KIAA1217: variants seen among roughly 807,000 people sequenced by gnomAD.
The protein encoded by KIAA1217 is sickle tail protein homolog.
In KIAA1217, 88 loss-of-function variants were observed where a neutral mutation model predicts 163.9. That is an observed-to-expected ratio of 0.54 (90% confidence interval 0.45 to 0.64). The LOEUF (loss-of-function observed/expected upper bound fraction) is 0.64, where lower values mean the gene tolerates loss of function less well. Ranked by LOEUF, KIAA1217 falls within the 30% of genes least tolerant of loss-of-function variation. The pLI is 0.00. For missense variants in KIAA1217, 2,372 were observed against 2,475.0 expected (o/e 0.96, Z 0.88); for synonymous variants, 903 against 923.1 (o/e 0.98, Z 0.39).
chr10:24,116,947 C>T (rs1589558611), intron 2 of KIAA1217, among the ~76,000 whole-genome samples: 1 of 151,916 alleles, frequency 6.6e-6, no homozygotes. Context: ...AATTAATACA[C>T]GGTTACTGCT....
intron 2 of KIAA1217, among the ~76,000 whole-genome samples, chr10:24,179,881 C>G (rs191619543): frequency 5.1e-4 from 78 of 152,228 alleles, no homozygotes; most frequent in African/African-American, 1.8e-3. Context: ...AGCCACCATG[C>G]CTGGTCTAGG....
chr10:23,766,752 C>A (rs1834547033), intron 1 of KIAA1217, among the ~76,000 whole-genome samples: 1 of 151,990 alleles, frequency 6.6e-6, no homozygotes, highest in Admixed American at 6.6e-5. Context: ...TCATACCCAG[C>A]TAATTTTTGT....
intron 1 of KIAA1217, among the ~76,000 whole-genome samples, chr10:23,994,072 T>C (rs1341389652): frequency 6.6e-6 from 1 of 152,122 alleles, no homozygotes; most frequent in African/African-American, 2.4e-5. Context: ...TGTGAGCAGA[T>C]CTGGGGATCC....
At chr10:24,350,183 G>A (rs974925618) in intron 2 of KIAA1217, among the ~76,000 whole-genome samples, 1 of 152,212 alleles carries the variant, frequency 6.6e-6, no homozygotes, top group Non-Finnish European at 1.5e-5. Flanking sequence ...AGAAGCCTCA[G>A]AAGCTGAAAG....
intron 2 of KIAA1217, among the ~76,000 whole-genome samples, chr10:24,049,346 T>G (rs1180212247): frequency 6.6e-6 from 1 of 152,196 alleles, no homozygotes; most frequent in African/African-American, 2.4e-5. Context: ...TCTCCGAGTT[T>G]TACAGTGGCA....
At chr10:24,289,343 A>G (rs758914523) in intron 2 of KIAA1217, among the ~76,000 whole-genome samples, 1 of 152,254 alleles carries the variant, frequency 6.6e-6, no homozygotes, top group Admixed American at 6.5e-5. Flanking sequence ...AGTGAAGGCT[A>G]TAAGATGTGT....
intron 1 of KIAA1217, among the ~76,000 whole-genome samples, chr10:23,853,920 T>G (rs1297646800): frequency 1.3e-5 from 2 of 152,190 alleles, no homozygotes; most frequent in Non-Finnish European, 2.9e-5. Flanking sequence ...TCTTTATTAG[T>G]CTTGCTAGCA....
At chr10:24,299,384 G>A (rs2041017603) in intron 2 of KIAA1217, among the ~76,000 whole-genome samples, 1 of 152,050 alleles carries the variant, frequency 6.6e-6, no homozygotes, top group South Asian at 2.1e-4. Context: ...GCTTTCTCAT[G>A]GCAACGTAAG....
chr10:23,818,317 C>T (rs1009674829), intron 1 of KIAA1217, among the ~76,000 whole-genome samples: 2 of 125,098 alleles, frequency 1.6e-5, no homozygotes, highest in African/African-American at 6.7e-5. Context: ...ATATATATAA[C>T]ACTATATATA....
At chr10:24,419,253 T>C (rs939159635) in intron 3 of KIAA1217, among the ~76,000 whole-genome samples, 2 of 151,950 alleles carry the variant, frequency 1.3e-5, no homozygotes, top group African/African-American at 4.8e-5. Flanking sequence ...CATCAGAAGC[T>C]AAGGGCCATA....
chr10:24,249,333 T>C (rs1324834955), intron 2 of KIAA1217, among the ~76,000 whole-genome samples: 6 of 152,188 alleles, frequency 3.9e-5, no homozygotes, highest in Non-Finnish European at 7.3e-5. Context: ...GAAACAACTC[T>C]ACTTAGGGGA....
Position 24,501,473 on chromosome 10 carries a change from C to T in KIAA1217, c.1929C>T (p.His643=). The T allele has an allele frequency of 6.2e-7, 1 of 1,614,056 alleles. No homozygotes were observed. Among genetic ancestry groups the T allele is most frequent in the Non-Finnish European group, 8.5e-7 (1 of 1,179,980 alleles). Residue 643 remains histidine, a synonymous_variant, in exon 9 of 21, where the codon CAC becomes CAT. Coordinates refer to ENST00000376454, the MANE Select transcript of KIAA1217 (RefSeq NM_019590.5). Reference sequence around the variant, plus strand: ...CACCTGTGGGCACCTCAGCCATCCACATGAGCCTGCTTGAGATGAGGCGGA... The same window carrying T: ...CACCTGTGGGCACCTCAGCCATCCATATGAGCCTGCTTGAGATGAGGCGGA... The part of the protein sequence containing the change: ...QPPPVGTSAI[H]MSLLEMRRSV...
At chr10:24,506,071 A>T (rs2068309102) in intron 9 of KIAA1217, among the ~76,000 whole-genome samples, 1 of 152,198 alleles carries the variant, frequency 6.6e-6, no homozygotes, top group African/African-American at 2.4e-5. Flanking sequence ...CAATGTGCCA[A>T]GGTCTAGTCA....
chr10:24,018,705 G>A (rs908541648), intron 2 of KIAA1217, among the ~76,000 whole-genome samples: 1 of 151,884 alleles, frequency 6.6e-6, no homozygotes, highest in African/African-American at 2.4e-5. Flanking sequence ...CCCACTACTG[G>A]GTATATATCC....
chr10:23,993,871 C>T (rs1318394356), intron 1 of KIAA1217, among the ~76,000 whole-genome samples: 1 of 152,116 alleles, frequency 6.6e-6, no homozygotes, highest in Non-Finnish European at 1.5e-5. Context: ...TGAGCAACCG[C>T]ACCCAGTCTG....
chr10:23,856,359 C>T (rs1004445457), intron 1 of KIAA1217, among the ~76,000 whole-genome samples: 2 of 152,176 alleles, frequency 1.3e-5, no homozygotes, highest in African/African-American at 2.4e-5. Flanking sequence ...GCTGTCTGAT[C>T]GTTCCTCTGG....
chr10:23,751,318 G>A (rs1445065788), intron 1 of KIAA1217, among the ~76,000 whole-genome samples: 2 of 152,070 alleles, frequency 1.3e-5, no homozygotes, highest in South Asian at 2.1e-4. Context: ...GTGAGCCACC[G>A]TGCCTGGCGA....
chr10:23,917,675 G>C (rs1483848168), intron 1 of KIAA1217, among the ~76,000 whole-genome samples: 1 of 152,216 alleles, frequency 6.6e-6, no homozygotes, highest in Non-Finnish European at 1.5e-5. Context: ...CAGCCAGAGA[G>C]TTCCAGGAAG....
At chr10:24,407,031 C>G (rs541769186) in intron 3 of KIAA1217, among the ~76,000 whole-genome samples, 1 of 152,180 alleles carries the variant, frequency 6.6e-6, no homozygotes, top group Non-Finnish European at 1.5e-5. Flanking sequence ...GAACTACCAT[C>G]GCAGCTCTGT....
Sources: gnomAD v4.1 joint callset for allele counts (sites outside exome capture counted in the v4.1 genomes callset) on GRCh38, gnomAD v4.1.1 for gene constraint, MANE v1.5 for transcripts, NCBI Gene and HGNC (gene_info 2026-07-23, HGNC 2026-07-21) for gene names.